HDAC9: variants seen among roughly 807,000 people sequenced by gnomAD.
The protein encoded by HDAC9 is histone deacetylase 9, also known as MEF-2 interacting transcription repressor (MITR) protein.
HDAC9 carries 41 observed loss-of-function variants against 139.4 expected under a neutral mutation model. The observed-to-expected ratio is 0.29, with a 90% CI of 0.23 to 0.38. The LOEUF (loss-of-function observed/expected upper bound fraction) is 0.38. Among genes scored for constraint, HDAC9 ranks in the 10% least tolerant of loss-of-function variants. The pLI is 1.00. For missense variants in HDAC9, 1,147 were observed against 1,297.0 expected, an observed-to-expected ratio of 0.88 and a Z score of 1.78; for synonymous variants, 517 against 476.2, an observed-to-expected ratio of 1.09 and a Z score of -1.12.
intron 19 of HDAC9, among the ~76,000 whole-genome samples, chr7:18,830,366 T>C (rs995367323): frequency 1.2e-4 from 18 of 152,206 alleles, no homozygotes; most frequent in African/African-American, 3.9e-4. Context: ...AAATGAACCC[T>C]GGCATCCAAA....
chr7:18,322,732 C>T (rs1800123121), intron 1 of HDAC9, among the ~76,000 whole-genome samples: 1 of 152,046 alleles, frequency 6.6e-6, no homozygotes, highest in African/African-American at 2.4e-5. Context: ...AGTAAGCCGA[C>T]ATTCGAGAAC....
chr7:18,279,984 AC>A (rs749599864), intron 2 of HDAC9, among the ~76,000 whole-genome samples: 2 of 152,228 alleles, frequency 1.3e-5, no homozygotes, highest in Non-Finnish European at 2.9e-5. Flanking sequence ...TAACTGAATT[AC>A]CCTTAAAAAG....
chr7:18,446,256 T>C (rs1352912318), intron 1 of HDAC9, among the ~76,000 whole-genome samples: 7 of 152,262 alleles, frequency 4.6e-5, no homozygotes, highest in Non-Finnish European at 8.8e-5. Flanking sequence ...AATAAATAGT[T>C]TATTGTCATA....
chr7:18,173,518 C>T (rs1040402895), intron 2 of HDAC9, among the ~76,000 whole-genome samples: 5 of 152,030 alleles, frequency 3.3e-5, no homozygotes, highest in Admixed American at 1.3e-4. Context: ...GTTATTTTGC[C>T]AGTTAGTTGA....
intron 1 of HDAC9, among the ~76,000 whole-genome samples, chr7:18,151,173 G>T (rs1368342816): frequency 6.6e-6 from 1 of 151,696 alleles, no homozygotes; most frequent in Admixed American, 6.6e-5. Context: ...GAATTGTTTT[G>T]GTCCCCTTGT....
At chr7:18,781,111 G>T (rs896394813) in intron 16 of HDAC9, among the ~76,000 whole-genome samples, 1 of 151,922 alleles carries the variant, frequency 6.6e-6, no homozygotes, top group Non-Finnish European at 1.5e-5. Context: ...CTGTTCATGC[G>T]CATCCCTGCT....
intron 15 of HDAC9, among the ~76,000 whole-genome samples, chr7:18,766,783 T>C (rs1789865935): frequency 6.6e-6 from 1 of 152,168 alleles, no homozygotes; most frequent in Non-Finnish European, 1.5e-5. Flanking sequence ...TTGTAATGTA[T>C]AATATAGACA....
intron 1 of HDAC9, among the ~76,000 whole-genome samples, chr7:18,371,985 C>G (rs572035490): frequency 1.5e-4 from 23 of 152,076 alleles, no homozygotes; most frequent in Non-Finnish European, 2.8e-4. Flanking sequence ...ACTTAGGGAC[C>G]CTTTGGATTA....
chr7:18,244,665 G>A (rs1735536065), intron 2 of HDAC9, among the ~76,000 whole-genome samples: 1 of 152,080 alleles, frequency 6.6e-6, no homozygotes. Context: ...GGGCGTGGTG[G>A]CGGGCGCCTG....
At chr7:18,099,931 T>C (rs1782739113) in intron 1 of HDAC9, among the ~76,000 whole-genome samples, 1 of 152,202 alleles carries the variant, frequency 6.6e-6, no homozygotes, top group Admixed American at 6.5e-5. Context: ...CAGTGCTCTT[T>C]ATTCCTTTGT....
At chr7:18,200,209 A>T (rs888405322) in intron 2 of HDAC9, among the ~76,000 whole-genome samples, 1 of 152,246 alleles carries the variant, frequency 6.6e-6, no homozygotes, top group African/African-American at 2.4e-5. Flanking sequence ...TTCAGACTGC[A>T]GTTACCTGTA....
chr7:18,199,574 C>A (rs756857743), intron 2 of HDAC9, among the ~76,000 whole-genome samples: 5 of 151,786 alleles, frequency 3.3e-5, no homozygotes, highest in African/African-American at 4.8e-5. Flanking sequence ...TTGTTTGAGG[C>A]CAGGAGTTTG....
At chr7:18,452,410 T>C (rs766937092) in intron 1 of HDAC9, among the ~76,000 whole-genome samples, 47 of 152,104 alleles carry the variant, frequency 3.1e-4, no homozygotes, top group Non-Finnish European at 6.0e-4. Flanking sequence ...TGTCTTCCAA[T>C]TGAGGGTCAC....
chr7:18,561,063 C>G (rs1820439477), intron 2 of HDAC9, among the ~76,000 whole-genome samples: 2 of 152,110 alleles, frequency 1.3e-5, no homozygotes, highest in South Asian at 4.1e-4. Flanking sequence ...TAAAAAGAAA[C>G]AACAACAAAA....
chr7:18,112,956 G>C (rs1307965730), intron 1 of HDAC9, among the ~76,000 whole-genome samples: 3 of 152,130 alleles, frequency 2.0e-5, no homozygotes, highest in African/African-American at 7.2e-5. Flanking sequence ...AAAGTGAGCA[G>C]CCAGTAGAGA....
At chr7:18,265,222 TTGAG>T (rs1258290766) in intron 2 of HDAC9, among the ~76,000 whole-genome samples, 20 of 152,218 alleles carry the variant, frequency 1.3e-4, no homozygotes, top group Non-Finnish European at 2.5e-4. Flanking sequence ...CAAATCAATA[TTGAG>T]TGTTTCAATT....
At chr7:18,298,507 T>C (rs1018871618) in intron 1 of HDAC9, among the ~76,000 whole-genome samples, 1 of 152,116 alleles carries the variant, frequency 6.6e-6, no homozygotes, top group Non-Finnish European at 1.5e-5. Flanking sequence ...ATTGTTCAAT[T>C]CCCACCTATG....
In HDAC9 at chr7:18,829,464, G is replaced by T. The variant is rs749391348; in HGVS notation, c.2382G>T (p.Gly794=). 3 of 1,606,636 alleles carry T rather than the reference G, an allele frequency of 1.9e-6. No homozygotes were observed. The highest frequency in any genetic ancestry group is 8.5e-7 in the Non-Finnish European group (1 of 1,173,638). Residue 794 remains glycine, a synonymous_variant, in exon 19 of 26, where the codon GGG becomes GGT. Coordinates refer to ENST00000686413, the MANE Select transcript of HDAC9 (RefSeq NM_178425.4). ...GHHAEESTAM[G]FCFFNSVAIT... is the part of the protein sequence containing the mutation. ...TCTGTTCTTCTCTATTCCGCAGGGGGTTCTGCTTTTTTAATTCAGTTGCAA... is the reference window on the plus strand; with the variant it reads ...TCTGTTCTTCTCTATTCCGCAGGGGTTTCTGCTTTTTTAATTCAGTTGCAA...
chr7:18,427,723 C>G (rs918541346), intron 1 of HDAC9, among the ~76,000 whole-genome samples: 1 of 146,034 alleles, frequency 6.8e-6, no homozygotes, highest in Non-Finnish European at 1.5e-5. Context: ...TAAATATTTT[C>G]TTTTATTGTG....
Sources: gnomAD v4.1 joint callset for allele counts (sites outside exome capture counted in the v4.1 genomes callset) on GRCh38, gnomAD v4.1.1 for gene constraint, MANE v1.5 for transcripts, NCBI Gene and HGNC (gene_info 2026-07-23, HGNC 2026-07-21) for gene names.